Variants in VPS37D observed in about 807,000 individuals in gnomAD.
The protein encoded by VPS37D is VPS37D subunit of ESCRT-I, also known as vacuolar protein sorting-associated protein 37D.
Under a neutral mutation model 22.0 loss-of-function variants are expected in VPS37D, and 5 were observed. That is an observed-to-expected ratio of 0.23 (90% confidence interval 0.12 to 0.48). The LOEUF (loss-of-function observed/expected upper bound fraction) is 0.48. Among genes scored for constraint, VPS37D ranks in the 20% least tolerant of loss-of-function variants. VPS37D has a pLI of 0.99. For missense variants in VPS37D, 384 were observed against 345.8 expected (o/e 1.11, Z -0.88); for synonymous variants, 174 against 159.3 (o/e 1.09, Z -0.69).
upstream of VPS37D, among the ~76,000 whole-genome samples, chr7:73,665,880 T>C (rs1554608555): frequency 6.6e-6 from 1 of 152,196 alleles, no homozygotes; most frequent in African/African-American, 2.4e-5. Flanking sequence ...AGACGGGGTC[T>C]TGCTCCATTT....
Position 73,671,144 on chromosome 7 carries a change from G to A in VPS37D, c.524G>A (p.Arg175Gln), listed in dbSNP as rs781823419. ...AAGCTGCAGGAGCTGCTGCGGCGTC[G>A]GGAGCGTTCTGCCCAGCCGGCCCCC... ...AEKLQELLRR[R>Q]ERSAQPAPTS... is the part of the protein sequence containing the mutation. Residue 175 changes from arginine (R) to glutamine (Q), a missense_variant, in exon 4 of 4, where the codon CGG (arginine) becomes CAG (glutamine). Arg to Gln is a conservative substitution (Grantham distance 43). Coordinates refer to ENST00000324941, the MANE Select transcript of VPS37D (RefSeq NM_001077621.2). The A allele has an allele frequency of 5.0e-6, 8 of 1,606,958 alleles. No homozygotes were observed. The highest frequency in any genetic ancestry group is 3.3e-5 in the South Asian group (3 of 90,792).
intron 1 of VPS37D, 120 bp from the exon 2 acceptor site, chr7:73,669,299 G>A (rs782548232): frequency 1.3e-4 from 172 of 1,312,334 alleles, no homozygotes; most frequent in Non-Finnish European, 1.7e-4. Context: ...CCCTGAAGGG[G>A]TGCCTGACAG....
rs782743422 is a variant in VPS37D, at chr7:73,671,199, C to A, written c.579C>A (p.Phe193Leu). The change falls in exon 4 of 4, where the codon TTC (phenylalanine) becomes TTA (leucine). Residue 193 changes from phenylalanine to leucine, a missense_variant. Transcript: ENST00000324941. ...PTSAADPPKS[F>L]PAAAVLPTGA... is the part of the protein sequence containing the mutation. The stretch of plus-strand genomic sequence containing the variant: ...CGGCTGCTGATCCCCCCAAATCCTT[C>A]CCGGCTGCAGCTGTCCTGCCCACTG... 27 of 1,594,620 alleles carry A rather than the reference C, an allele frequency of 1.7e-5. No individual in the cohort carries two copies. In the South Asian group the frequency reaches 2.8e-4, roughly 16 times the overall value.
At chr7:73,669,373 A>G (rs1797452258) in intron 1 of VPS37D, 46 bp from the exon 2 acceptor site, 17 of 1,503,088 alleles carry the variant, frequency 1.1e-5, no homozygotes, top group Non-Finnish European at 1.5e-5. Context: ...TAGGGTGGAC[A>G]GGGCAGATCC....
chr7:73,671,408 C>A lies in VPS37D; in HGVS notation c.*32C>A. 1 of 1,312,376 alleles carries A rather than the reference C, an allele frequency of 7.6e-7. No homozygotes were observed. The highest frequency in any genetic ancestry group is 9.8e-7 in the Non-Finnish European group (1 of 1,022,496). 81.3% of individuals were successfully genotyped at this position (1,312,376 alleles called of 1,614,324 possible). A position where few individuals can be genotyped will look rare whatever the true frequency, so the allele number is the denominator to read the frequency against. ...CGGTGCGGCCCCCCAGTTGGGGGGC[C>A]TAGACAAACTTGATGCGTGGCTCCT... On this transcript the variant is annotated 3_prime_UTR_variant, in exon 4 of 4. Coordinates refer to ENST00000324941, the MANE Select transcript of VPS37D (RefSeq NM_001077621.2).
rs58822941 is a variant in VPS37D at position 73,668,901 on chromosome 7, C to T, written c.139-518C>T. Reference sequence around the variant, plus strand: ...GGTGGGAAGGGAAGAGAGGGTGACCCGAGGGGGTGCTGTGAGGGGACGGGG... The same window carrying T: ...GGTGGGAAGGGAAGAGAGGGTGACCTGAGGGGGTGCTGTGAGGGGACGGGG... On this transcript the variant is annotated intron_variant, in intron 1 of 3. Coordinates refer to ENST00000324941, the MANE Select transcript of VPS37D (RefSeq NM_001077621.2). 8.2e-3 allele frequency among the ~76,000 whole-genome samples: 1,235 copies of T among 150,778 alleles called. 70 individuals are homozygous for T. In the East Asian group the frequency reaches 0.17, roughly 20 times the overall value.
At chr7:73,669,158 C>G (rs1554609184) in intron 1 of VPS37D, among the ~76,000 whole-genome samples, 1 of 148,438 alleles carries the variant, frequency 6.7e-6, no homozygotes, top group African/African-American at 2.4e-5. Context: ...TTAAGTCTCT[C>G]AACAACCCCA....
intron 2 of VPS37D, among the ~76,000 whole-genome samples, 167 bp from the exon 3 acceptor site, chr7:73,669,853 C>G (rs1797467274): frequency 3.3e-5 from 5 of 152,162 alleles, no homozygotes; most frequent in Admixed American, 3.3e-4. Context: ...GGAGCAGAAA[C>G]TTGGTAGGGG....
chr7:73,666,073 C>T (rs1387867078), upstream of VPS37D, among the ~76,000 whole-genome samples: 1 of 151,876 alleles, frequency 6.6e-6, no homozygotes, highest in Non-Finnish European at 1.5e-5. Context: ...CAGGCTGGGT[C>T]ACTCATTGTC....
chr7:73,669,993 G>C, intron 2 of VPS37D, 27 bp from the exon 3 acceptor site: 1 of 1,551,602 alleles, frequency 6.4e-7, no homozygotes. Flanking sequence ...TGGCCTGTCT[G>C]TCACTCTGTC....
Position 73,671,316 on chromosome 7 carries a change from C to T in VPS37D, c.696C>T (p.Pro232=), listed in dbSNP as rs1199819084. 2.9e-6 allele frequency: 4 copies of T among 1,380,408 alleles called. No individual in the cohort carries two copies. The African/African-American group carries it at 4.6e-5, about 16-fold the overall frequency. 85.5% of individuals were successfully genotyped at this position (1,380,408 alleles called of 1,614,324 possible). The change falls in exon 4 of 4, where the codon CCC becomes CCT. Residue 232 remains proline (P), a synonymous_variant. Transcript: ENST00000324941. The stretch of plus-strand genomic sequence containing the variant: ...CACTGAAGGGCTCCCCCGGGTGCCC[C>T]CTCGGCCCGGCCCCCCTGCTGAGCC... ...VPPLKGSPGC[P]LGPAPLLSPR... is the part of the protein sequence containing the mutation.
At position 73,671,554 on chromosome 7, in the gene VPS37D, C is replaced by G; in HGVS notation, c.*178C>G. ...CCCCTGGAAGAGGCCCGAGAGGGGG[C>G]TGGGGGTGGGTGGGCAGGGCTTTAT... is the stretch of plus-strand genomic sequence containing the variant. On this transcript the variant is annotated 3_prime_UTR_variant, in exon 4 of 4. Transcript: ENST00000324941. The G allele has an allele frequency of 7.4e-6, 1 of 135,834 alleles. No homozygotes were observed. Among genetic ancestry groups the G allele is most frequent in the Non-Finnish European group, 1.6e-5 (1 of 64,420 alleles). 8.4% of individuals were successfully genotyped at this position (135,834 alleles called of 1,614,324 possible).
upstream of VPS37D, among the ~76,000 whole-genome samples, chr7:73,665,644 A>G (rs868910982): frequency 6.6e-6 from 1 of 152,140 alleles, no homozygotes; most frequent in African/African-American, 2.4e-5. Context: ...CCACCATGCT[A>G]TGGCTGGATA....
chr7:73,669,421 C>A lies in VPS37D; in HGVS notation c.141C>A (p.Phe47Leu). ...TCTTAGCTCCTCTCTGCCCGCAGTT[C>A]CAGGGCCTGCAGCTGGAGCGTGAGG... ...LDRIVRLSRK[F>L]QGLQLEREAC... Residue 47 changes from phenylalanine to leucine, a missense_variant and splice_region_variant, in exon 2 of 4, where the codon TTC becomes TTA. Coordinates refer to ENST00000324941, the MANE Select transcript of VPS37D (RefSeq NM_001077621.2). 1 of 1,555,148 alleles carries A rather than the reference C, an allele frequency of 6.4e-7. No homozygotes were observed. Among genetic ancestry groups the A allele is most frequent in the Non-Finnish European group, 8.7e-7 (1 of 1,149,276 alleles).
rs782342566 is a variant in VPS37D at position 73,671,026 on chromosome 7, C to G, written c.406C>G (p.Gln136Glu). The G allele has an allele frequency of 1.2e-6, 2 of 1,612,302 alleles. No homozygotes were observed. Among genetic ancestry groups the G allele is most frequent in the Non-Finnish European group, 1.7e-6 (2 of 1,179,456 alleles). The change falls in exon 4 of 4, where the codon CAG (glutamine) becomes GAG (glutamate). Residue 136 changes from glutamine to glutamate, a missense_variant. Gln to Glu is a conservative substitution (Grantham distance 29). Transcript: ENST00000324941. ...CCTCCCGGCCCAGGAGCAGATGGAG[C>G]AGCTGCTGCTCGGGGAGCAAAGCCT... ...AEQEAEEQMEQLLLGEQSLEA... is the reference protein window; with the variant it reads ...AEQEAEEQMEELLLGEQSLEA...
chr7:73,668,348 A>G (rs1554609044), intron 1 of VPS37D, among the ~76,000 whole-genome samples: 1 of 151,558 alleles, frequency 6.6e-6, no homozygotes, highest in African/African-American at 2.4e-5. Flanking sequence ...CGTGTCCTAC[A>G]GCGGATGCTC....
chr7:73,669,263 C>G (rs6957208), intron 1 of VPS37D, among the ~76,000 whole-genome samples, 156 bp from the exon 2 acceptor site: 5 of 152,082 alleles, frequency 3.3e-5, no homozygotes, highest in Admixed American at 1.3e-4. Context: ...GGCCTGTCAT[C>G]GTCCCTTCAC....
At chr7:73,667,760 C>T (rs1658857929), upstream of VPS37D, 1 of 154,778 alleles carries the variant, frequency 6.5e-6, no homozygotes, top group Non-Finnish European at 1.4e-5. Context: ...TGCGGCCCGC[C>T]TCCTCCCTGC....
In VPS37D at chr7:73,671,313, C is replaced by T. The variant is rs1797507995; in HGVS notation, c.693C>T (p.Cys231=). 1 of 1,386,838 alleles carries T rather than the reference C, an allele frequency of 7.2e-7. No individual in the cohort carries two copies. Among genetic ancestry groups the T allele is most frequent in the Non-Finnish European group, 9.4e-7 (1 of 1,067,776 alleles). The allele number at this position is 1,386,838 out of a possible 1,614,324, so 85.9% of individuals were successfully genotyped here. The stretch of plus-strand genomic sequence containing the variant: ...CCCCACTGAAGGGCTCCCCCGGGTG[C>T]CCCCTCGGCCCGGCCCCCCTGCTGA... ...PVPPLKGSPG[C]PLGPAPLLSP... is the part of the protein sequence containing the mutation. Residue 231 remains cysteine (C), a synonymous_variant, in exon 4 of 4, where the codon TGC becomes TGT. Coordinates refer to ENST00000324941, the MANE Select transcript of VPS37D (RefSeq NM_001077621.2).
Sources: allele counts gnomAD v4.1 joint callset (sites outside exome capture counted in the v4.1 genomes callset), GRCh38; gene constraint gnomAD v4.1.1; transcripts MANE v1.5; gene names NCBI Gene and HGNC (gene_info 2026-07-23, HGNC 2026-07-21).